Variants in PGM1 observed in about 807,000 individuals in gnomAD.
PGM1 encodes the protein phosphoglucomutase-1.
In PGM1, 52 loss-of-function variants were observed where a neutral mutation model predicts 55.6. That is an observed-to-expected ratio of 0.94 (90% CI 0.75 to 1.18). The LOEUF (loss-of-function observed/expected upper bound fraction) is 1.18. Among genes scored for constraint, PGM1 ranks in the 50% most tolerant of loss-of-function variants. PGM1 has a pLI of 0.00. For missense variants in PGM1, 724 were observed against 729.3 expected (o/e 0.99, Z 0.08); for synonymous variants, 287 against 271.7 (o/e 1.06, Z -0.55).
rs1330563217 is a variant in PGM1, at chr1:63,634,823, A to G, written c.683-6A>G. ...TCTGCATACATTTATTCCATGCTGT[A>G]TATAGTTGTGGGACCGTATGTAAAG... is the stretch of plus-strand genomic sequence containing the variant. On this transcript the variant is annotated splice_polypyrimidine_tract_variant and splice_region_variant and intron_variant, in intron 4 of 10. Transcript: ENST00000371084. 7.4e-6 allele frequency: 12 copies of G among 1,610,888 alleles called. No homozygotes were observed. The highest frequency in any genetic ancestry group is 2.2e-5 in the East Asian group (1 of 44,858).
rs1226229512 is a variant in PGM1 at position 63,633,926 on chromosome 1, ATATATATTTTTT to A, written c.683-901_683-890del. Among the ~76,000 whole-genome samples the A allele has an allele frequency of 3.6e-3, 234 of 64,788 alleles. 11 individuals are homozygous for A. The highest frequency in any genetic ancestry group is 0.02 in the Middle Eastern group (2 of 98). 42.5% of individuals were successfully genotyped at this position (64,788 alleles called of 152,430 possible). A position where few individuals can be genotyped will look rare whatever the true frequency, so the allele number is the denominator to read the frequency against. ...TGTGTGTGTGTGTGTGTGTATATAT[ATATATATTTTTT>A]TTTTTTTTTTTTTTTTTTTTTTTAG... is the stretch of plus-strand genomic sequence containing the variant. On this transcript the variant is annotated intron_variant, in intron 4 of 10. Coordinates refer to ENST00000371084, the MANE Select transcript of PGM1 (RefSeq NM_002633.3).
intron 7 of PGM1, among the ~76,000 whole-genome samples, chr1:63,647,259 C>CATATAT (rs55760196): frequency 0.015 from 814 of 54,554 alleles, 72 homozygotes; most frequent in Non-Finnish European, 0.019. Flanking sequence ...TAAAATTTTA[C>CATATAT]ATATATATAT....
intron 8 of PGM1, 63 bp downstream of exon 8, chr1:63,648,715 G>T: frequency 6.5e-7 from 1 of 1,542,356 alleles, no homozygotes; most frequent in South Asian, 1.1e-5. Context: ...GAATTCTTGC[G>T]CATCCACAGC....
At position 63,629,581 on chromosome 1, in the gene PGM1, A is replaced by G; in HGVS notation, c.403A>G (p.Asn135Asp). 1 of 1,613,624 alleles carries G rather than the reference A, an allele frequency of 6.2e-7. No individual in the cohort carries two copies. The highest frequency in any genetic ancestry group is 8.5e-7 in the Non-Finnish European group (1 of 1,179,668). The change falls in exon 2 of 11, where the codon AAT becomes GAT. Residue 135 changes from asparagine (N) to aspartate (D), a missense_variant. Physicochemically the swap from Asn to Asp is conservative, Grantham distance 23 (BLOSUM62 1). This residue lies in a region of PGM1 where 379 missense variants were observed against 357.5 expected (regional missense o/e 1.06). Transcript: ENST00000371084. ...TTTTGGAATCAAATTCAATATTTCT[A>G]ATGGAGGTGAGTTTGCTGTCATTTT... ...GDFGIKFNISNGGPAPEAITD... is the reference protein window; with the variant it reads ...GDFGIKFNISDGGPAPEAITD...
At chr1:63,652,270 A>G (rs1308565372) in intron 9 of PGM1, among the ~76,000 whole-genome samples, 1 of 152,230 alleles carries the variant, frequency 6.6e-6, no homozygotes, top group Non-Finnish European at 1.5e-5. Flanking sequence ...AAGTGGCATT[A>G]TACTTATACG....
intron 1 of PGM1, among the ~76,000 whole-genome samples, chr1:63,605,632 A>G (rs949157882): frequency 2.6e-5 from 4 of 152,068 alleles, no homozygotes; most frequent in African/African-American, 9.7e-5. Flanking sequence ...GGCTGAGTGC[A>G]GTGGTGTGAT....
At position 63,629,514 on chromosome 1, in the gene PGM1, C is replaced by CA; in HGVS notation, c.337dup (p.Ile113AsnfsTer23). 6.2e-7 allele frequency: 1 copy of CA among 1,613,726 alleles called. No individual in the cohort carries two copies. Among genetic ancestry groups the CA allele is most frequent in the Non-Finnish European group, 8.5e-7 (1 of 1,179,686 alleles). On this transcript the variant is annotated frameshift_variant, in exon 2 of 11. Transcript: ENST00000371084. LOFTEE classifies it high-confidence loss of function. ...GAAAAATCAAAGCCATTGGTGGGAT[C>CA]ATTCTGACAGCCAGTCACAACCCAG...
intron 7 of PGM1, among the ~76,000 whole-genome samples, chr1:63,647,259 C>CACAT (rs1649673294): frequency 3.6e-5 from 2 of 55,446 alleles, no homozygotes; most frequent in Admixed American, 2.3e-4. Context: ...TAAAATTTTA[C>CACAT]ATATATATAT....
chr1:63,594,137 C>G, intron 1 of PGM1: 1 of 998,576 alleles, frequency 1.0e-6, no homozygotes, highest in Non-Finnish European at 1.2e-6. Flanking sequence ...TCGCCTTAAG[C>G]AGGAAAGGTT....
intron 1 of PGM1, among the ~76,000 whole-genome samples, chr1:63,603,692 T>C (rs1453258455): frequency 6.6e-6 from 1 of 152,152 alleles, no homozygotes; most frequent in Non-Finnish European, 1.5e-5. Context: ...TCAGTCAAAA[T>C]CATCCTTAAA....
chr1:63,633,899 TG>T (rs1649271183), intron 4 of PGM1, among the ~76,000 whole-genome samples: 2 of 52,130 alleles, frequency 3.8e-5, no homozygotes, highest in South Asian at 6.9e-4. Context: ...TGTGTGTGTG[TG>T]TGTGTGTGTG....
chr1:63,611,315 G>A (rs1039271733), intron 1 of PGM1, among the ~76,000 whole-genome samples: 3 of 152,054 alleles, frequency 2.0e-5, no homozygotes, highest in African/African-American at 7.3e-5. Context: ...GACATTCTGT[G>A]TAGTGGGAGC....
intron 1 of PGM1, among the ~76,000 whole-genome samples, chr1:63,608,509 G>A (rs955981601): frequency 1.3e-5 from 2 of 152,220 alleles, no homozygotes; most frequent in Non-Finnish European, 1.5e-5. Flanking sequence ...TGACTTCAGA[G>A]GCCAGAAAAT....
chr1:63,643,766 G>A (rs1053411385), intron 7 of PGM1, among the ~76,000 whole-genome samples: 15 of 152,202 alleles, frequency 9.9e-5, no homozygotes, highest in Non-Finnish European at 2.1e-4. Context: ...AGGATACGGC[G>A]TGATCACAGG....
chr1:63,600,479 A>G (rs1264893279), intron 1 of PGM1, among the ~76,000 whole-genome samples: 3 of 152,236 alleles, frequency 2.0e-5, no homozygotes, highest in Non-Finnish European at 4.4e-5. Flanking sequence ...TACTACGGAT[A>G]CAACAGTGAA....
intron 1 of PGM1, among the ~76,000 whole-genome samples, chr1:63,608,914 A>G (rs1270038523): frequency 6.6e-6 from 1 of 152,222 alleles, no homozygotes; most frequent in African/African-American, 2.4e-5. Flanking sequence ...GATGAAATAA[A>G]ATTTGTGAAG....
At chr1:63,648,768 C>A in intron 8 of PGM1, 116 bp downstream of exon 8, 1 of 1,098,768 alleles carries the variant, frequency 9.1e-7, no homozygotes, top group Non-Finnish European at 1.4e-6. Context: ...GTCATCCAGC[C>A]TCTCTCAATT....
chr1:63,633,945 T>A (rs1248330157), intron 4 of PGM1, among the ~76,000 whole-genome samples: 5 of 124,304 alleles, frequency 4.0e-5, no homozygotes, highest in African/African-American at 1.0e-4. Context: ...TTTTTTTTTT[T>A]TTTTTTTTTT....
intron 1 of PGM1, among the ~76,000 whole-genome samples, chr1:63,612,251 C>CT (rs1309776311): frequency 1.5e-5 from 2 of 134,698 alleles, no homozygotes; most frequent in Non-Finnish European, 3.2e-5. Flanking sequence ...GAGCGAAACT[C>CT]TGTCTCAAAA....
Sources: allele counts gnomAD v4.1 joint callset (sites outside exome capture counted in the v4.1 genomes callset), GRCh38; gene constraint gnomAD v4.1.1; regional missense constraint gnomAD v4.1.1; transcripts MANE v1.5; gene names NCBI Gene and HGNC (gene_info 2026-07-23, HGNC 2026-07-21).